Variants in EXT1 observed in about 807,000 individuals in gnomAD.
EXT1 encodes the protein exostosin-1.
EXT1 carries 20 observed loss-of-function variants against 82.5 expected under a neutral mutation model. The observed-to-expected ratio is 0.24, with a 90% CI of 0.17 to 0.35. The LOEUF (loss-of-function observed/expected upper bound fraction) is 0.35. EXT1 is among the 10% of genes least tolerant of loss of function. The probability of loss-of-function intolerance (pLI) is 1.00; values close to 1 mark genes in which losing one functional copy is unlikely to be tolerated. For missense variants in EXT1, 757 were observed against 936.5 expected, an observed-to-expected ratio of 0.81 and a Z score of 2.50; for synonymous variants, 348 against 350.8, an observed-to-expected ratio of 0.99 and a Z score of 0.09.
intron 1 of EXT1, among the ~76,000 whole-genome samples, chr8:117,971,923 G>A (rs1370367579): frequency 6.6e-6 from 1 of 152,148 alleles, no homozygotes; most frequent in Non-Finnish European, 1.5e-5. Flanking sequence ...GGCCAAGGTG[G>A]GTGGGTCACC....
intron 1 of EXT1, among the ~76,000 whole-genome samples, chr8:117,989,689 G>C (rs1242611535): frequency 2.0e-5 from 3 of 152,170 alleles, no homozygotes; most frequent in African/African-American, 7.2e-5. Flanking sequence ...CAGGAAGTCA[G>C]TTTTCAGCAT....
intron 1 of EXT1, among the ~76,000 whole-genome samples, chr8:118,017,448 C>A: frequency 6.6e-6 from 1 of 152,118 alleles, no homozygotes; most frequent in South Asian, 2.1e-4. Context: ...AGCACTGAGT[C>A]CTCAAGAAAG....
At chr8:117,843,253 G>A (rs1356983704) in intron 1 of EXT1, among the ~76,000 whole-genome samples, 1 of 152,184 alleles carries the variant, frequency 6.6e-6, no homozygotes, top group Non-Finnish European at 1.5e-5. Flanking sequence ...TGTCTACCAT[G>A]TGTCAGGCAC....
intron 1 of EXT1, among the ~76,000 whole-genome samples, chr8:118,007,709 C>T (rs763036245): frequency 1.4e-4 from 22 of 152,254 alleles, no homozygotes; most frequent in African/African-American, 3.9e-4. Flanking sequence ...TAGTTTCATT[C>T]GCATCACCAG....
chr8:117,878,437 A>AT (rs1272318675), intron 1 of EXT1, among the ~76,000 whole-genome samples: 3 of 152,210 alleles, frequency 2.0e-5, no homozygotes, highest in Non-Finnish European at 4.4e-5. Context: ...CATCGACCAA[A>AT]TATTTGGTGG....
At chr8:118,058,481 CCTT>C in intron 1 of EXT1, among the ~76,000 whole-genome samples, 1 of 152,234 alleles carries the variant, frequency 6.6e-6, no homozygotes, top group South Asian at 2.1e-4. Flanking sequence ...TATCCTAACA[CCTT>C]CTCATAAAAA....
chr8:117,818,382 G>T, intron 7 of EXT1, 53 bp downstream of exon 7: 1 of 1,493,260 alleles, frequency 6.7e-7, no homozygotes, highest in South Asian at 1.1e-5. Flanking sequence ...GTGCCCCATG[G>T]AGAAACCAAG....
At chr8:117,833,339 G>T (rs4531086) in intron 3 of EXT1, among the ~76,000 whole-genome samples, 34,308 of 152,154 alleles carry the variant, frequency 0.23, 4,523 homozygotes, top group Middle Eastern at 0.38. Context: ...ACAAGTGGCT[G>T]GGCGCGCTGG....
chr8:117,839,576 G>C (rs1489582406), intron 1 of EXT1, among the ~76,000 whole-genome samples: 1 of 152,172 alleles, frequency 6.6e-6, no homozygotes, highest in Non-Finnish European at 1.5e-5. Context: ...TTTTCATTCA[G>C]ATTTCTATGC....
chr8:117,982,943 T>A (rs1815238872), intron 1 of EXT1, among the ~76,000 whole-genome samples: 1 of 152,220 alleles, frequency 6.6e-6, no homozygotes, highest in South Asian at 2.1e-4. Context: ...AAATTAATAT[T>A]TTTTACAAGA....
intron 1 of EXT1, among the ~76,000 whole-genome samples, chr8:117,895,459 C>G (rs1813318469): frequency 6.6e-6 from 1 of 152,158 alleles, no homozygotes; most frequent in African/African-American, 2.4e-5. Context: ...GCAGGGCCAG[C>G]AGAGTCCACT....
intron 1 of EXT1, among the ~76,000 whole-genome samples, chr8:117,966,576 C>G (rs1814815419): frequency 6.6e-6 from 1 of 152,286 alleles, no homozygotes; most frequent in African/African-American, 2.4e-5. Flanking sequence ...AGGCTTTTGA[C>G]TACTCTCATA....
At chr8:117,854,752 C>G (rs561540495) in intron 1 of EXT1, among the ~76,000 whole-genome samples, 13 of 152,294 alleles carry the variant, frequency 8.5e-5, no homozygotes, top group Admixed American at 2.6e-4. Context: ...ACTATGGTCC[C>G]ATTTCACAGC....
intron 1 of EXT1, among the ~76,000 whole-genome samples, chr8:117,865,466 T>C (rs754920098): frequency 1.3e-5 from 2 of 152,222 alleles, no homozygotes; most frequent in Non-Finnish European, 2.9e-5. Context: ...TTTGTGATTA[T>C]AGAGCGAGAA....
intron 1 of EXT1, among the ~76,000 whole-genome samples, chr8:118,069,412 T>G (rs538193602): frequency 6.6e-6 from 1 of 152,238 alleles, no homozygotes; most frequent in South Asian, 2.1e-4. Context: ...TGATTCCATT[T>G]CCTCCTCCCT....
In EXT1 at chr8:117,884,936, A is replaced by G. The variant is rs1025700100; in HGVS notation, c.963-47735T>C. 3.3e-5 allele frequency among the ~76,000 whole-genome samples: 5 copies of G among 152,340 alleles called. No individual in the cohort carries two copies. The East Asian group carries it at 9.6e-4, about 29-fold the overall frequency. Reference sequence around the variant, plus strand: ...TTTTCAAAAAGTGCTAATCAGCTTTAGTTTCAATGGATCGAAATACAACAT... The same window carrying G: ...TTTTCAAAAAGTGCTAATCAGCTTTGGTTTCAATGGATCGAAATACAACAT... On this transcript the variant is annotated intron_variant, in intron 1 of 10. Coordinates refer to ENST00000378204, the MANE Select transcript of EXT1 (RefSeq NM_000127.3).
chr8:118,056,758 C>T (rs554244752), intron 1 of EXT1, among the ~76,000 whole-genome samples: 3 of 152,282 alleles, frequency 2.0e-5, no homozygotes, highest in Admixed American at 6.5e-5. Context: ...ATCAGAAGAA[C>T]GCTTTGACAA....
At chr8:117,900,414 C>A (rs1455236050) in intron 1 of EXT1, among the ~76,000 whole-genome samples, 2 of 152,216 alleles carry the variant, frequency 1.3e-5, no homozygotes, top group African/African-American at 4.8e-5. Context: ...TGCCAGAGAA[C>A]ACCTGGGCAT....
At position 118,042,426 on chromosome 8, in the gene EXT1, C is replaced by T. The variant is rs578110756; in HGVS notation, c.962+67659G>A. On this transcript the variant is annotated intron_variant, in intron 1 of 10. Transcript: ENST00000378204. ...TTTCCTGCCTCTGCCTCCTGAGTAG[C>T]TGCGATTACAGGCACACGCTACCAC... Among the ~76,000 whole-genome samples the T allele has an allele frequency of 1.1e-4, 16 of 152,236 alleles. No homozygotes were observed. In the South Asian group the frequency reaches 3.3e-3, roughly 32 times the overall value.
Sources: allele counts gnomAD v4.1 joint callset (sites outside exome capture counted in the v4.1 genomes callset), GRCh38; gene constraint gnomAD v4.1.1; transcripts MANE v1.5; gene names NCBI Gene and HGNC (gene_info 2026-07-23, HGNC 2026-07-21).